Variants in LAMA3 observed in about 807,000 individuals in gnomAD.
LAMA3 encodes the protein laminin subunit alpha 3.
In LAMA3, 281 loss-of-function variants were observed where a neutral mutation model predicts 402.0. The ratio of observed to expected loss-of-function variants is 0.70; its 90% CI spans 0.63 to 0.77. The LOEUF is 0.77. Ranked by LOEUF, LAMA3 falls within the 30% of genes least tolerant of loss-of-function variation. LAMA3 has a pLI of 0.00. For synonymous variants in LAMA3, 1,431 were observed against 1,558.4 expected (o/e 0.92, Z 1.93); for missense variants, 3,840 against 4,215.5 (o/e 0.91, Z 2.47).
intron 67 of LAMA3, among the ~76,000 whole-genome samples, chr18:23,937,859 G>A (rs1218367722): frequency 6.6e-6 from 1 of 152,162 alleles, no homozygotes; most frequent in Non-Finnish European, 1.5e-5. Flanking sequence ...TTTGCGTTCT[G>A]AGCACTATAT....
chr18:23,902,965 T>A, intron 48 of LAMA3, 44 bp from the exon 49 acceptor site: 1 of 1,117,812 alleles, frequency 8.9e-7, no homozygotes, highest in Non-Finnish European at 1.4e-6. Context: ...TGCCTTCTGA[T>A]AATATATCAT....
At chr18:23,810,271 T>C in intron 12 of LAMA3, 95 bp from the exon 13 acceptor site, 2 of 1,480,330 alleles carry the variant, frequency 1.4e-6, no homozygotes, top group South Asian at 1.1e-5. Context: ...TTTGGGTCTT[T>C]CTGGCTCCAC....
intron 2 of LAMA3, among the ~76,000 whole-genome samples, chr18:23,743,380 G>A (rs552084339): frequency 9.2e-5 from 14 of 152,124 alleles, no homozygotes; most frequent in Non-Finnish European, 2.1e-4. Context: ...CTCTGTGTTT[G>A]CCAAATGGTA....
chr18:23,754,418 A>C (rs2143619977), intron 6 of LAMA3, among the ~76,000 whole-genome samples: 1 of 152,336 alleles, frequency 6.6e-6, no homozygotes, highest in East Asian at 1.9e-4. Context: ...GTCCTTTTGC[A>C]ACAAATACTG....
At chr18:23,952,927 A>G (rs142552647) in intron 73 of LAMA3, 63 bp from the exon 74 acceptor site, 81 of 1,610,390 alleles carry the variant, frequency 5.0e-5, no homozygotes, top group Admixed American at 2.7e-4. Flanking sequence ...AACAAAGTCA[A>G]TGGTGTAGAC....
chr18:23,782,169 A>G (rs1222361781), intron 11 of LAMA3, among the ~76,000 whole-genome samples: 3 of 152,184 alleles, frequency 2.0e-5, no homozygotes, highest in Non-Finnish European at 4.4e-5. Flanking sequence ...CTTCCTTGGT[A>G]GGTAGGGTGG....
At chr18:23,905,346 C>A (rs1334409105) in intron 51 of LAMA3, among the ~76,000 whole-genome samples, 176 bp from the exon 52 acceptor site, 1 of 152,180 alleles carries the variant, frequency 6.6e-6, no homozygotes, top group Admixed American at 6.5e-5. Flanking sequence ...ACATAATTCA[C>A]ATAGGTGTTA....
chr18:23,837,560 CAGTT>C (rs149763179), intron 25 of LAMA3, among the ~76,000 whole-genome samples: 3,423 of 40,128 alleles, frequency 0.085, 167 homozygotes, highest in African/African-American at 0.27. Context: ...GAATATCATT[CAGTT>C]AATCAGATAT....
intron 12 of LAMA3, among the ~76,000 whole-genome samples, chr18:23,808,685 A>G (rs2063010490): frequency 6.6e-6 from 1 of 152,228 alleles, no homozygotes; most frequent in South Asian, 2.1e-4. Flanking sequence ...GTTCCCCTCC[A>G]TCAGTGAGAG....
chr18:23,898,515 C>T, intron 44 of LAMA3: 1 of 573,514 alleles, frequency 1.7e-6, no homozygotes, highest in South Asian at 2.1e-5. Context: ...TAGCTCTTAT[C>T]TCTTCACATT....
At chr18:23,736,300 A>G (rs1315816488) in intron 2 of LAMA3, among the ~76,000 whole-genome samples, 1 of 145,488 alleles carries the variant, frequency 6.9e-6, no homozygotes, top group Non-Finnish European at 1.5e-5. Flanking sequence ...GACGTCTTCA[A>G]TTTTCCTGTG....
Position 23,939,274 on chromosome 18 carries a change from G to A in LAMA3, c.8914G>A (p.Asp2972Asn). The change falls in exon 68 of 75, where the codon GAT becomes AAT. Residue 2972 changes from aspartate to asparagine, a missense_variant. By Grantham distance (23) the Asp-to-Asn change is conservative (BLOSUM62 1). Coordinates refer to ENST00000313654, the MANE Select transcript of LAMA3 (RefSeq NM_198129.4). The stretch of plus-strand genomic sequence containing the variant: ...CCCAAGGAGCGTGAAGGTGTGGCAA[G>A]ATGCTTGCTCACCACTTCCCAAGAC... ...ASPRSVKVWQ[D>N]ACSPLPKTQA... The A allele has an allele frequency of 6.2e-7, 1 of 1,614,210 alleles. No homozygotes were observed. The highest frequency in any genetic ancestry group is 8.5e-7 in the Non-Finnish European group (1 of 1,180,022).
chr18:23,699,440 GT>G (rs1454303388), intron 1 of LAMA3, among the ~76,000 whole-genome samples: 2 of 152,178 alleles, frequency 1.3e-5, no homozygotes, highest in African/African-American at 4.8e-5. Flanking sequence ...TCATAAAGGG[GT>G]TAAAATAATA....
intron 11 of LAMA3, among the ~76,000 whole-genome samples, chr18:23,779,727 GA>G (rs1209515326): frequency 6.6e-6 from 1 of 152,138 alleles, no homozygotes; most frequent in Non-Finnish European, 1.5e-5. Flanking sequence ...TGAGTAGGGA[GA>G]AGGTATGAGA....
In LAMA3 at chr18:23,830,615, T is replaced by C. The variant is rs139223694; in HGVS notation, c.2823+3148T>C. On this transcript the variant is annotated intron_variant, in intron 23 of 74. Transcript: ENST00000313654. ...CTCTTGTTTTTCATAATTTAAGAGCTGTCTTAATAATTTAAAAATTAACGA... is the reference window on the plus strand; with the variant it reads ...CTCTTGTTTTTCATAATTTAAGAGCCGTCTTAATAATTTAAAAATTAACGA... Among the ~76,000 whole-genome samples, 25 of 152,354 alleles carry C rather than the reference T, an allele frequency of 1.6e-4. No homozygotes were observed. The East Asian group carries it at 4.8e-3, about 29-fold the overall frequency.
intron 2 of LAMA3, among the ~76,000 whole-genome samples, chr18:23,729,991 AC>A (rs1463394749): frequency 6.6e-6 from 1 of 152,232 alleles, no homozygotes; most frequent in Non-Finnish European, 1.5e-5. Flanking sequence ...GTTGTTCATC[AC>A]TGCCCACTGT....
chr18:23,760,999 G>T (rs1050097340), intron 7 of LAMA3, among the ~76,000 whole-genome samples: 11 of 151,240 alleles, frequency 7.3e-5, no homozygotes, highest in Admixed American at 2.0e-4. Flanking sequence ...AATTTGGGGT[G>T]GGGGGGGCAC....
At chr18:23,802,590 G>A (rs75360435) in intron 12 of LAMA3, among the ~76,000 whole-genome samples, 9,877 of 152,240 alleles carry the variant, frequency 0.065, 464 homozygotes, top group Non-Finnish European at 0.096. Context: ...TGATTCAGAG[G>A]AATGAGGAAA....
chr18:23,863,212 G>A (rs2064268734), intron 35 of LAMA3, among the ~76,000 whole-genome samples: 1 of 152,250 alleles, frequency 6.6e-6, no homozygotes, highest in South Asian at 2.1e-4. Flanking sequence ...GGGAGGCCGA[G>A]ACAAGCGGAT....
Sources: allele counts gnomAD v4.1 joint callset (sites outside exome capture counted in the v4.1 genomes callset), GRCh38; gene constraint gnomAD v4.1.1; transcripts MANE v1.5; gene names NCBI Gene and HGNC (gene_info 2026-07-23, HGNC 2026-07-21).